Variants in ZP1 observed in about 807,000 individuals in gnomAD.
ZP1 encodes zona pellucida glycoprotein 1.
ZP1 carries 58 observed loss-of-function variants against 67.4 expected under a neutral mutation model. The observed-to-expected ratio is 0.86, with a 90% CI of 0.70 to 1.07. The LOEUF is 1.07. ZP1 is among the 50% of genes least tolerant of loss of function. ZP1 has a pLI of 0.00. For missense variants in ZP1, 759 were observed against 807.3 expected, an observed-to-expected ratio of 0.94 and a Z score of 0.72; for synonymous variants, 333 against 332.7, an observed-to-expected ratio of 1.00 and a Z score of -0.01.
At chr11:60,867,822 G>C in intron 1 of ZP1, 65 bp downstream of exon 1, 18 of 1,550,872 alleles carry the variant, frequency 1.2e-5, no homozygotes, top group Non-Finnish European at 1.6e-5. Context: ...AAGGGAGCTG[G>C]GACCCTTCCC....
rs994564115 is a variant in ZP1 at position 60,873,592 on chromosome 11, G to A, written c.1430+28G>A. On this transcript the variant is annotated intron_variant, in intron 8 of 11. Coordinates refer to ENST00000278853, the MANE Select transcript of ZP1 (RefSeq NM_207341.4). ...GAGTGCCCCCACACTCCCCCCACCTGCTCTGCCTCCTGTAAACAGCCTCTC... is the reference window on the plus strand; with the variant it reads ...GAGTGCCCCCACACTCCCCCCACCTACTCTGCCTCCTGTAAACAGCCTCTC... 3 of 1,613,744 alleles carry A rather than the reference G, an allele frequency of 1.9e-6. No individual in the cohort carries two copies. In the African/African-American group the frequency reaches 4.0e-5, roughly 22 times the overall value.
Position 60,873,229 on chromosome 11 carries a change from C to T in ZP1, c.1180C>T (p.Pro394Ser), listed in dbSNP as rs775471206. Reference protein sequence around the residue: ...LPIQASIFPPPSPAPMTQPGP... With the variant: ...LPIQASIFPPSSPAPMTQPGP... ...CATTCAGGCATCCATTTTCCCACCC[C>T]CATCGCCTGCTCCTATGACCCAGCC... Residue 394 changes from proline (P) to serine (S), a missense_variant, in exon 7 of 12, where the codon CCA becomes TCA. Transcript: ENST00000278853. 6.2e-7 allele frequency: 1 copy of T among 1,607,768 alleles called. No individual in the cohort carries two copies. The highest frequency in any genetic ancestry group is 8.5e-7 in the Non-Finnish European group (1 of 1,176,616).
intron 1 of ZP1, among the ~76,000 whole-genome samples, chr11:60,868,628 C>T (rs1205642606): frequency 6.6e-6 from 1 of 152,194 alleles, no homozygotes; most frequent in Admixed American, 6.5e-5. Flanking sequence ...GGGCAACAAG[C>T]AGGGTGGACA....
chr11:60,873,587 C>A (rs373430723), intron 8 of ZP1, 23 bp downstream of exon 8: 10 of 1,613,804 alleles, frequency 6.2e-6, no homozygotes, highest in Admixed American at 1.7e-5. Flanking sequence ...ACACTCCCCC[C>A]ACCTGCTCTG....
rs773095140 is a variant in ZP1, at chr11:60,867,602, C to T, written c.41C>T (p.Ala14Val). Reference protein sequence around the residue: ...GSATTWGYPVALLLLVATLGL... With the variant: ...GSATTWGYPVVLLLLVATLGL... ...GCCACGACCTGGGGTTACCCTGTGG[C>T]CCTGCTACTGCTGGTTGCCACCCTG... The change falls in exon 1 of 12, where the codon GCC becomes GTC. Residue 14 changes from alanine to valine, a missense_variant. Ala to Val is a moderately conservative substitution (Grantham distance 64). Transcript: ENST00000278853. 3 of 1,613,256 alleles carry T rather than the reference C, an allele frequency of 1.9e-6. No individual in the cohort carries two copies. The highest frequency in any genetic ancestry group is 2.5e-6 in the Non-Finnish European group (3 of 1,179,600).
rs768419997 is a variant in ZP1, at chr11:60,875,521, T to C, written c.1782T>C (p.Asn594=). 5.6e-6 allele frequency: 9 copies of C among 1,613,932 alleles called. No homozygotes were observed. Among genetic ancestry groups the C allele is most frequent in the Non-Finnish European group, 7.6e-6 (9 of 1,179,892 alleles). The change falls in exon 12 of 12, where the codon AAT becomes AAC. Residue 594 remains asparagine, a synonymous_variant. Transcript: ENST00000278853. The stretch of plus-strand genomic sequence containing the variant: ...ATCCCGTCTCTCTGACAGACTCCAA[T>C]GGGAACTCCAGCCTGAGACCTCTCC... ...QEPTLGPTDS[N]GNSSLRPLLW...
At chr11:60,869,484 G>A in intron 2 of ZP1, 53 bp from the exon 3 acceptor site, 1 of 1,554,898 alleles carries the variant, frequency 6.4e-7, no homozygotes, top group South Asian at 1.2e-5. Context: ...TCCCCTGCCT[G>A]GGTATGCTAG....
intron 4 of ZP1, chr11:60,870,747 G>C: frequency 1.5e-6 from 1 of 687,658 alleles, no homozygotes; most frequent in Non-Finnish European, 2.4e-6. Flanking sequence ...ATTATATGGT[G>C]AACCTACTTT....
intron 1 of ZP1, among the ~76,000 whole-genome samples, chr11:60,868,022 G>A (rs1815882): frequency 6.8e-5 from 10 of 147,612 alleles, no homozygotes; most frequent in Middle Eastern, 3.5e-3. Context: ...GCAGGGCCAA[G>A]CCTCTGCATT....
At chr11:60,868,480 G>A (rs953625365) in intron 1 of ZP1, among the ~76,000 whole-genome samples, 7 of 152,202 alleles carry the variant, frequency 4.6e-5, no homozygotes, top group Non-Finnish European at 8.8e-5. Context: ...GCTTCTAAAC[G>A]GGATGATTTT....
Position 60,875,163 on chromosome 11 carries a change from TGCCAG to T in ZP1, c.1693_1697del (p.Arg565ProfsTer13). On this transcript the variant is annotated frameshift_variant, in exon 11 of 12. Transcript: ENST00000278853. LOFTEE classifies it high-confidence loss of function. ...GATCCTCAGGTCACCGTAATGACACTGCCAGGCCCCAGGACATCGTGAGCTCTCCG... is the reference window on the plus strand; with the variant it reads ...GATCCTCAGGTCACCGTAATGACACTGCCCCAGGACATCGTGAGCTCTCCG... The T allele has an allele frequency of 6.2e-7, 1 of 1,613,914 alleles. No individual in the cohort carries two copies. Among genetic ancestry groups the T allele is most frequent in the South Asian group, 1.1e-5 (1 of 91,086 alleles).
At chr11:60,871,400 C>A in intron 6 of ZP1, 86 bp downstream of exon 6, 1 of 1,437,026 alleles carries the variant, frequency 7.0e-7, no homozygotes, top group Non-Finnish European at 9.6e-7. Flanking sequence ...TCGGAGCCAT[C>A]TCAGCTCAAA....
intron 3 of ZP1, among the ~76,000 whole-genome samples, chr11:60,870,124 T>G (rs965638922): frequency 6.6e-6 from 1 of 152,290 alleles, no homozygotes; most frequent in Non-Finnish European, 1.5e-5. Context: ...TTCCTAACTT[T>G]AGGCAGAAAC....
In ZP1 at chr11:60,869,843, GC is replaced by G; in HGVS notation, c.626del (p.Ala209ValfsTer13). 1.2e-6 allele frequency: 2 copies of G among 1,600,950 alleles called. No homozygotes were observed. Among genetic ancestry groups the G allele is most frequent in the South Asian group, 2.3e-5 (2 of 88,792 alleles). On this transcript the variant is annotated frameshift_variant, in exon 3 of 12. Transcript: ENST00000278853. LOFTEE classifies it high-confidence loss of function. ...ACCTGGACCTACCCTCGCCACCCTG[GC>G]TCAACCCCACTGGGGCACCTTGGAA... ...PGPGPTLATL[A>X]QPHWGTLEHW... is the part of the protein sequence containing the mutation.
At chr11:60,873,865 A>G (rs1292787149) in intron 9 of ZP1, 90 bp downstream of exon 9, 27 of 1,544,506 alleles carry the variant, frequency 1.7e-5, no homozygotes, top group Non-Finnish European at 2.1e-5. Context: ...GTGAACTTAT[A>G]TGGACAAAGT....
intron 2 of ZP1, 76 bp downstream of exon 2, chr11:60,869,342 A>G: frequency 6.3e-7 from 1 of 1,583,516 alleles, no homozygotes; most frequent in South Asian, 1.2e-5. Flanking sequence ...CCCCTCATGA[A>G]CCAGAAAGGA....
chr11:60,869,996 T>G (rs535742663), intron 3 of ZP1, 96 bp downstream of exon 3: 1 of 1,392,720 alleles, frequency 7.2e-7, no homozygotes, highest in Admixed American at 2.8e-5. Context: ...AGCCATTTCT[T>G]TTTTTGTTTT....
At position 60,870,054 on chromosome 11, in the gene ZP1, G is replaced by C. The variant is rs556753580; in HGVS notation, c.682+154G>C. ...ATTCTTTTATTCCTTTGTAGTATTT[G>C]GAAAACAGCTTTAAACATGTATAGG... On this transcript the variant is annotated intron_variant, in intron 3 of 11. Transcript: ENST00000278853. Among the ~76,000 whole-genome samples, 3 of 152,120 alleles carry C rather than the reference G, an allele frequency of 2.0e-5. No individual in the cohort carries two copies. In the East Asian group the frequency reaches 5.8e-4, roughly 29 times the overall value.
chr11:60,867,584 C>T lies in ZP1; in HGVS notation c.23C>T (p.Thr8Ile). Residue 8 changes from threonine to isoleucine, a missense_variant, in exon 1 of 12, where the codon ACC becomes ATC. By Grantham distance (89) the Thr-to-Ile change is moderately conservative (BLOSUM62 -1). Transcript: ENST00000278853. Reference protein sequence around the residue: MAGGSATTWGYPVALLLL... With the variant: MAGGSATIWGYPVALLLL... Reference sequence around the variant, plus strand: ...CTCATGGCAGGAGGCTCAGCCACGACCTGGGGTTACCCTGTGGCCCTGCTA... The same window carrying T: ...CTCATGGCAGGAGGCTCAGCCACGATCTGGGGTTACCCTGTGGCCCTGCTA... 6.2e-7 allele frequency: 1 copy of T among 1,611,766 alleles called. No homozygotes were observed. The highest frequency in any genetic ancestry group is 1.3e-5 in the African/African-American group (1 of 75,016).
Sources: gnomAD v4.1 joint callset for allele counts (sites outside exome capture counted in the v4.1 genomes callset) on GRCh38, gnomAD v4.1.1 for gene constraint, MANE v1.5 for transcripts, NCBI Gene and HGNC (gene_info 2026-07-23, HGNC 2026-07-21) for gene names.